The following ADGRF1 variants were observed in gnomAD, a reference collection of about 807,000 sequenced individuals.
The protein encoded by ADGRF1 is G protein-coupled receptor 110.
In ADGRF1, 85 loss-of-function variants were observed where a neutral mutation model predicts 87.2. That is an observed-to-expected ratio of 0.97 (90% CI 0.82 to 1.17). The LOEUF is 1.17. Among genes scored for constraint, ADGRF1 ranks in the 50% most tolerant of loss-of-function variants. The probability of loss-of-function intolerance (pLI) is 0.00; values close to 1 mark genes in which losing one functional copy is unlikely to be tolerated. For synonymous variants in ADGRF1, 430 were observed against 408.8 expected (o/e 1.05, Z -0.63); for missense variants, 1,169 against 1,077.2 (o/e 1.09, Z -1.19).
rs1779619483 is a variant in ADGRF1 at position 47,009,175 on chromosome 6, T to C, written c.2260A>G (p.Ile754Val). Reference protein sequence around the residue: ...LLAFVVPALAIVAVNFVVVLL... With the variant: ...LLAFVVPALAVVAVNFVVVLL... ...ACCACAACGAAGTTCACAGCCACAATAGCCAGTGCAGGGACAACAAAAGCC... is the reference window on the plus strand; with the variant it reads ...ACCACAACGAAGTTCACAGCCACAACAGCCAGTGCAGGGACAACAAAAGCC... Residue 754 changes from isoleucine to valine, a missense_variant, in exon 11 of 15, where the codon ATT becomes GTT. Ile to Val is a conservative substitution (Grantham distance 29, BLOSUM62 3). Transcript: ENST00000371253. 6.2e-7 allele frequency: 1 copy of C among 1,614,168 alleles called. No homozygotes were observed. Among genetic ancestry groups the C allele is most frequent in the African/African-American group, 1.3e-5 (1 of 75,052 alleles).
In ADGRF1 at chr6:46,998,965, C is replaced by G. The variant is rs1422061495; in HGVS notation, c.*1257G>C. The G allele has an allele frequency of 6.6e-6, 1 of 152,254 alleles. No individual in the cohort carries two copies. The highest frequency in any genetic ancestry group is 1.5e-5 in the Non-Finnish European group (1 of 68,072). 9.4% of individuals were successfully genotyped at this position (152,254 alleles called of 1,614,324 possible). On this transcript the variant is annotated 3_prime_UTR_variant, in exon 15 of 15. Coordinates refer to ENST00000371253, the MANE Select transcript of ADGRF1 (RefSeq NM_153840.4). ...CTACCACCACTAACTAGAAGTTCCC[C>G]CAGCTGTCTTTATTTGCATAGCATG...
chr6:47,013,472 C>G lies in ADGRF1; in HGVS notation c.927+1209G>C. On this transcript the variant is annotated intron_variant, in intron 9 of 14. Coordinates refer to ENST00000371253, the MANE Select transcript of ADGRF1 (RefSeq NM_153840.4). ...TACTGCAGCAGCAGAAGCAAGGTCTCTGGCTGGAATAGAAGTTCTGCTCAA... is the reference window on the plus strand; with the variant it reads ...TACTGCAGCAGCAGAAGCAAGGTCTGTGGCTGGAATAGAAGTTCTGCTCAA... The G allele has an allele frequency of 5.1e-6, 5 of 985,516 alleles. No homozygotes were observed. The South Asian group carries it at 2.3e-4, about 46-fold the overall frequency. The allele number at this position is 985,516 out of a possible 1,614,324, so 61.0% of individuals were successfully genotyped here.
In ADGRF1 at chr6:47,009,211, TG is replaced by T; in HGVS notation, c.2223del (p.Ser741ArgfsTer17). 1 of 1,614,206 alleles carries T rather than the reference TG, an allele frequency of 6.2e-7. No individual in the cohort carries two copies. Among genetic ancestry groups the T allele is most frequent in the South Asian group, 1.1e-5 (1 of 91,076 alleles). ...GGGACAACAAAAGCCAGGAGTGGTT[TG>T]CTTCCATTGGACCAGTTAAGCCAAC... ...DVCWLNWSNG[S>X]KPLLAFVVPA... On this transcript the variant is annotated frameshift_variant, in exon 11 of 15. Coordinates refer to ENST00000371253, the MANE Select transcript of ADGRF1 (RefSeq NM_153840.4). LOFTEE classifies it high-confidence loss of function.
At chr6:47,035,911 A>G (rs1780575197) in intron 1 of ADGRF1, among the ~76,000 whole-genome samples, 1 of 152,176 alleles carries the variant, frequency 6.6e-6, no homozygotes, top group African/African-American at 2.4e-5. Flanking sequence ...GAGCAGAGAG[A>G]GAGGGAGAGG....
rs759613059 is a variant in ADGRF1, at chr6:47,005,857, T to A, written c.2552A>T (p.Asn851Ile). ...LDSKLRQLLF[N>I]KLSALSSWKQ... Reference sequence around the variant, plus strand: ...CCAAGAACTTAAGGCAGACAACTTGTTGAACAGAAGTTGTCGCAGCTATAA... The same window carrying A: ...CCAAGAACTTAAGGCAGACAACTTGATGAACAGAAGTTGTCGCAGCTATAA... The change falls in exon 13 of 15, where the codon AAC (asparagine) becomes ATC (isoleucine). Residue 851 changes from asparagine to isoleucine, a missense_variant. By Grantham distance (149) the Asn-to-Ile change is moderately radical. Coordinates refer to ENST00000371253, the MANE Select transcript of ADGRF1 (RefSeq NM_153840.4). 2 of 1,612,342 alleles carry A rather than the reference T, an allele frequency of 1.2e-6. No individual in the cohort carries two copies. The highest frequency in any genetic ancestry group is 4.5e-5 in the East Asian group (2 of 44,814).
chr6:47,034,437 C>A (rs745575342), intron 1 of ADGRF1, among the ~76,000 whole-genome samples: 2 of 152,112 alleles, frequency 1.3e-5, no homozygotes, highest in Non-Finnish European at 2.9e-5. Context: ...GGGTTCAGAA[C>A]AGAGGTATAA....
intron 11 of ADGRF1, among the ~76,000 whole-genome samples, chr6:47,007,547 G>C (rs994975880): frequency 2.0e-5 from 3 of 152,214 alleles, no homozygotes; most frequent in Non-Finnish European, 4.4e-5. Flanking sequence ...AGTTTTGCAT[G>C]TGGAGCTTCA....
chr6:47,018,372 T>C, intron 7 of ADGRF1: 1 of 1,256,476 alleles, frequency 8.0e-7, no homozygotes, highest in Non-Finnish European at 1.0e-6. Flanking sequence ...AATTATTAAT[T>C]ACTAATTGAT....
At chr6:47,035,323 A>ATTTC (rs1310385319) in intron 1 of ADGRF1, among the ~76,000 whole-genome samples, 2 of 152,204 alleles carry the variant, frequency 1.3e-5, no homozygotes, top group African/African-American at 4.8e-5. Context: ...GGTAGGGCTT[A>ATTTC]TTTCTCATCT....
rs147577769 is a variant in ADGRF1 at position 47,034,326 on chromosome 6, G to A, written c.-43-5222C>T. Among the ~76,000 whole-genome samples, 20 of 152,208 alleles carry A rather than the reference G, an allele frequency of 1.3e-4. No individual in the cohort carries two copies. In the East Asian group the frequency reaches 2.1e-3, roughly 16 times the overall value. On this transcript the variant is annotated intron_variant, in intron 1 of 14. Coordinates refer to ENST00000371253, the MANE Select transcript of ADGRF1 (RefSeq NM_153840.4). ...CAAACCTAAGCCTGGAAAGATTACC[G>A]ATTTCTACTCATCTTTATTCTTGTT...
intron 8 of ADGRF1, among the ~76,000 whole-genome samples, chr6:47,015,574 C>CTATTTCTTTATT (rs1779845592): frequency 6.7e-6 from 1 of 149,182 alleles, no homozygotes; most frequent in African/African-American, 2.5e-5. Context: ...CGATGCCTGG[C>CTATTTCTTTATT]TATTTATTTA....
At position 47,009,649 on chromosome 6, in the gene ADGRF1, A is replaced by T; in HGVS notation, c.1786T>A (p.Ser596Thr). 1 of 1,614,194 alleles carries T rather than the reference A, an allele frequency of 6.2e-7. No individual in the cohort carries two copies. ...KWITYVGLGI[S>T]IGSLILCLII... ...AGGCATAAAATGAGACTTCCAATGG[A>T]GATACCCAGTCCCACATAGGTGATC... The change falls in exon 11 of 15, where the codon TCC becomes ACC. Residue 596 changes from serine to threonine, a missense_variant. By Grantham distance (58) the Ser-to-Thr change is moderately conservative (BLOSUM62 1). Coordinates refer to ENST00000371253, the MANE Select transcript of ADGRF1 (RefSeq NM_153840.4).
At chr6:47,015,191 A>G (rs1779830336) in intron 8 of ADGRF1, among the ~76,000 whole-genome samples, 1 of 152,250 alleles carries the variant, frequency 6.6e-6, no homozygotes, top group Non-Finnish European at 1.5e-5. Context: ...AAGGAACATT[A>G]GAAAGCCAGA....
intron 7 of ADGRF1, chr6:47,019,508 C>A (rs888961849): frequency 2.8e-6 from 1 of 360,696 alleles, no homozygotes; most frequent in East Asian, 1.7e-4. Flanking sequence ...ACGGTGAAAC[C>A]CCATCTCTAC....
intron 3 of ADGRF1, among the ~76,000 whole-genome samples, chr6:47,027,155 T>C (rs1306554809): frequency 2.6e-5 from 4 of 152,242 alleles, no homozygotes; most frequent in Admixed American, 2.6e-4. Context: ...ATTTTTACTG[T>C]CAGGGAAATT....
intron 1 of ADGRF1, among the ~76,000 whole-genome samples, chr6:47,030,771 CT>C (rs56290927): frequency 9.9e-5 from 15 of 150,988 alleles, no homozygotes; most frequent in Admixed American, 2.6e-4. Flanking sequence ...TTTCTTCACT[CT>C]TTTTTTTTGA....
intron 12 of ADGRF1, 24 bp downstream of exon 12, chr6:47,007,229 A>G (rs1374915256): frequency 2.0e-6 from 3 of 1,488,816 alleles, no homozygotes; most frequent in Non-Finnish European, 2.8e-6. Context: ...GCTAGGGGTT[A>G]ATGAGAGAAA....
intron 7 of ADGRF1, chr6:47,018,314 C>T: frequency 1.9e-6 from 2 of 1,071,382 alleles, no homozygotes; most frequent in Non-Finnish European, 2.4e-6. Flanking sequence ...GTATCATTCC[C>T]ATTTTATAGA....
chr6:47,013,633 A>T, intron 9 of ADGRF1: 1 of 985,332 alleles, frequency 1.0e-6, no homozygotes, highest in Non-Finnish European at 1.2e-6. Context: ...GAACCTTCCT[A>T]AGAGAGCATC....
Sources: allele counts gnomAD v4.1 joint callset (sites outside exome capture counted in the v4.1 genomes callset), GRCh38; gene constraint gnomAD v4.1.1; transcripts MANE v1.5; gene names NCBI Gene and HGNC (gene_info 2026-07-23, HGNC 2026-07-21).